The following ADAMTSL3 variants were observed in gnomAD, a reference collection of about 807,000 sequenced individuals.
The protein encoded by ADAMTSL3 is ADAMTS-like protein 3.
In ADAMTSL3, 128 loss-of-function variants were observed where a neutral mutation model predicts 201.7. That is an observed-to-expected ratio of 0.63 (90% CI 0.55 to 0.73). ADAMTSL3 has a LOEUF of 0.73. ADAMTSL3 is among the 30% of genes least tolerant of loss of function. ADAMTSL3 has a pLI of 0.00. For missense variants in ADAMTSL3, 1,990 were observed against 2,119.6 expected (o/e 0.94, Z 1.20); for synonymous variants, 738 against 748.4 (o/e 0.99, Z 0.23).
At chr15:83,774,020 C>T (rs758847452) in intron 4 of ADAMTSL3, among the ~76,000 whole-genome samples, 23 of 152,026 alleles carry the variant, frequency 1.5e-4, no homozygotes, top group African/African-American at 5.1e-4. Flanking sequence ...CTGAGCAACC[C>T]GTCGATTAGG....
At chr15:83,819,683 G>A (rs1378640318) in intron 5 of ADAMTSL3, 128 bp from the exon 6 acceptor site, 2 of 662,452 alleles carry the variant, frequency 3.0e-6, no homozygotes, top group African/African-American at 1.8e-5. Context: ...AAAAAAAGAG[G>A]GAATTAGGTG....
At chr15:83,793,893 C>T (rs191989543) in intron 4 of ADAMTSL3, among the ~76,000 whole-genome samples, 15 of 152,132 alleles carry the variant, frequency 9.9e-5, no homozygotes, top group Non-Finnish European at 1.6e-4. Context: ...ATGAGATCAA[C>T]GGGAGAAAAT....
intron 2 of ADAMTSL3, among the ~76,000 whole-genome samples, chr15:83,672,341 G>C (rs961786623): frequency 2.2e-4 from 33 of 152,326 alleles, no homozygotes; most frequent in African/African-American, 7.9e-4. Context: ...TGGTGCTCCA[G>C]GGGGTCTGGA....
intron 19 of ADAMTSL3, among the ~76,000 whole-genome samples, chr15:83,952,536 A>G (rs1440600376): frequency 6.6e-6 from 1 of 152,160 alleles, no homozygotes; most frequent in African/African-American, 2.4e-5. Flanking sequence ...TTAAAGTGGG[A>G]TGTTGAAGAC....
At chr15:83,730,231 A>C (rs887307512) in intron 3 of ADAMTSL3, among the ~76,000 whole-genome samples, 1 of 152,144 alleles carries the variant, frequency 6.6e-6, no homozygotes, top group African/African-American at 2.4e-5. Context: ...CTGATGCTTA[A>C]GAAGAAACAT....
At chr15:83,808,787 T>C (rs1298719572) in intron 5 of ADAMTSL3, among the ~76,000 whole-genome samples, 4 of 152,070 alleles carry the variant, frequency 2.6e-5, no homozygotes, top group Non-Finnish European at 4.4e-5. Flanking sequence ...AATGAAATAC[T>C]ATGCAGCCGT....
chr15:83,772,874 T>G (rs533014188), intron 3 of ADAMTSL3, among the ~76,000 whole-genome samples: 3 of 152,152 alleles, frequency 2.0e-5, no homozygotes, highest in African/African-American at 7.2e-5. Flanking sequence ...CTCAGCTGAT[T>G]TTTGTATTTT....
chr15:83,880,715 G>T (rs2065253108), intron 9 of ADAMTSL3, among the ~76,000 whole-genome samples: 1 of 152,182 alleles, frequency 6.6e-6, no homozygotes, highest in African/African-American at 2.4e-5. Flanking sequence ...GAAAAACAGA[G>T]CCCGAGGCAA....
At chr15:83,709,096 C>A (rs1037175193) in intron 3 of ADAMTSL3, among the ~76,000 whole-genome samples, 1 of 152,020 alleles carries the variant, frequency 6.6e-6, no homozygotes, top group Non-Finnish European at 1.5e-5. Flanking sequence ...CTTAATAGAC[C>A]CCAGAGATTA....
intron 20 of ADAMTSL3, among the ~76,000 whole-genome samples, chr15:83,974,958 G>A (rs1217363242): frequency 1.4e-5 from 2 of 147,336 alleles, no homozygotes; most frequent in African/African-American, 5.0e-5. Flanking sequence ...CATCTCTCCC[G>A]CCTGTGGTCT....
Position 83,873,313 on chromosome 15 carries a change from G to A in ADAMTSL3, c.960+2354G>A, listed in dbSNP as rs572293227. ...AGCAAGACTCCATCTCAAAAAAATA[G>A]TAATTAAAAAAATAAATAATAAAAA... On this transcript the variant is annotated intron_variant, in intron 9 of 29. Coordinates refer to ENST00000286744, the MANE Select transcript of ADAMTSL3 (RefSeq NM_207517.3). Among the ~76,000 whole-genome samples, 15 of 145,070 alleles carry A rather than the reference G, an allele frequency of 1.0e-4. 1 individual carries two copies. The highest frequency in any genetic ancestry group is 1.8e-4 in the Non-Finnish European group (12 of 66,612).
intron 8 of ADAMTSL3, 38 bp downstream of exon 8, chr15:83,858,878 G>A: frequency 6.5e-7 from 1 of 1,526,774 alleles, no homozygotes; most frequent in Non-Finnish European, 8.9e-7. Context: ...TTAATATCCT[G>A]AAAGTTTAGT....
intron 17 of ADAMTSL3, among the ~76,000 whole-genome samples, chr15:83,934,420 G>A (rs1385653857): frequency 1.3e-5 from 2 of 152,144 alleles, no homozygotes; most frequent in African/African-American, 4.8e-5. Context: ...ATTATATCTA[G>A]GAAGTAACTA....
intron 16 of ADAMTSL3, among the ~76,000 whole-genome samples, chr15:83,914,861 G>T (rs112978225): frequency 8.5e-5 from 2 of 23,624 alleles, no homozygotes; most frequent in Non-Finnish European, 1.3e-4. Context: ...TTGTTTGTTT[G>T]TTTGTTTGTT....
intron 2 of ADAMTSL3, among the ~76,000 whole-genome samples, chr15:83,683,301 G>A (rs1394272681): frequency 6.6e-6 from 1 of 152,096 alleles, no homozygotes; most frequent in African/African-American, 2.4e-5. Flanking sequence ...ACTGCTCCAT[G>A]CTTTCCTCTT....
chr15:83,729,256 G>T (rs1299623299), intron 3 of ADAMTSL3, among the ~76,000 whole-genome samples: 1 of 151,934 alleles, frequency 6.6e-6, no homozygotes, highest in Non-Finnish European at 1.5e-5. Flanking sequence ...TCTGCTTGGT[G>T]TTCTATAAGC....
At chr15:83,714,844 C>A (rs1307924534) in intron 3 of ADAMTSL3, among the ~76,000 whole-genome samples, 2 of 96,214 alleles carry the variant, frequency 2.1e-5, no homozygotes, top group Admixed American at 1.3e-4. Flanking sequence ...CTTTCTTTCT[C>A]TCTCTTTCCC....
intron 19 of ADAMTSL3, among the ~76,000 whole-genome samples, chr15:83,959,013 A>G (rs1201374323): frequency 6.6e-6 from 1 of 152,226 alleles, no homozygotes; most frequent in African/African-American, 2.4e-5. Context: ...CAATGAATAT[A>G]GAGTCCCAGG....
intron 3 of ADAMTSL3, among the ~76,000 whole-genome samples, chr15:83,772,776 GCTTA>G (rs2063005529): frequency 6.6e-6 from 1 of 151,086 alleles, no homozygotes; most frequent in African/African-American, 2.4e-5. Context: ...CACAATCTTG[GCTTA>G]CTTCAACCTC....
Sources: gnomAD v4.1 joint callset for allele counts (sites outside exome capture counted in the v4.1 genomes callset) on GRCh38, gnomAD v4.1.1 for gene constraint, MANE v1.5 for transcripts, NCBI Gene and HGNC (gene_info 2026-07-23, HGNC 2026-07-21) for gene names.